The following CACNA2D3 variants were observed in gnomAD, a reference collection of about 807,000 sequenced individuals.
The protein encoded by CACNA2D3 is voltage-dependent calcium channel subunit alpha-2/delta-3.
Under a neutral mutation model 160.6 loss-of-function variants are expected in CACNA2D3, and 60 were observed. The ratio of observed to expected loss-of-function variants is 0.37; its 90% CI spans 0.30 to 0.46. The LOEUF (loss-of-function observed/expected upper bound fraction) is 0.46. Ranked by LOEUF, CACNA2D3 falls within the 20% of genes least tolerant of loss-of-function variation. CACNA2D3 has a pLI of 1.00. For synonymous variants in CACNA2D3, 558 were observed against 492.9 expected (o/e 1.13, Z -1.75); for missense variants, 1,205 against 1,365.0 (o/e 0.88, Z 1.85).
At chr3:54,481,020 G>A (rs1700924439) in intron 4 of CACNA2D3, among the ~76,000 whole-genome samples, 1 of 152,182 alleles carries the variant, frequency 6.6e-6, no homozygotes, top group South Asian at 2.1e-4. Flanking sequence ...GATTCTGTAT[G>A]TCTTTGTCTC....
intron 5 of CACNA2D3, 119 bp from the exon 6 acceptor site, chr3:54,562,681 A>T (rs185449630): frequency 1.2e-6 from 1 of 826,174 alleles, no homozygotes; most frequent in African/African-American, 1.7e-5. Context: ...AACTTCCTTC[A>T]TAGCCTCCTG....
intron 11 of CACNA2D3, among the ~76,000 whole-genome samples, chr3:54,651,791 AG>A (rs574968864): frequency 3.9e-5 from 6 of 151,986 alleles, no homozygotes; most frequent in Non-Finnish European, 8.8e-5. Context: ...GGCGCCTCTG[AG>A]GGGGTTTTGT....
At position 55,008,921 on chromosome 3, in the gene CACNA2D3, A is replaced by AC. The variant is rs1553629553; in HGVS notation, c.2820-466dup. Among the ~76,000 whole-genome samples the AC allele has an allele frequency of 4.7e-5, 7 of 148,212 alleles. No homozygotes were observed. The East Asian group carries it at 1.4e-3, about 29-fold the overall frequency. On this transcript the variant is annotated intron_variant, in intron 33 of 37. Transcript: ENST00000474759. ...CACACACACACACACACACACACACACACAGGGGGCTTAAACAAGTTCAAG... is the reference window on the plus strand; with the variant it reads ...CACACACACACACACACACACACACACCACAGGGGGCTTAAACAAGTTCAAG...
intron 29 of CACNA2D3, among the ~76,000 whole-genome samples, chr3:54,983,731 C>T (rs971511208): frequency 2.6e-5 from 4 of 152,140 alleles, no homozygotes; most frequent in African/African-American, 7.2e-5. Flanking sequence ...AACATCAGCC[C>T]CGTGGTGGCC....
At chr3:54,919,544 AG>A (rs1369974356) in intron 27 of CACNA2D3, among the ~76,000 whole-genome samples, 1 of 152,160 alleles carries the variant, frequency 6.6e-6, no homozygotes, top group East Asian at 1.9e-4. Flanking sequence ...TATTAAACCC[AG>A]TTTCCATTAC....
intron 21 of CACNA2D3, among the ~76,000 whole-genome samples, chr3:54,881,297 T>A (rs1699790257): frequency 6.6e-6 from 1 of 152,138 alleles, no homozygotes; most frequent in Non-Finnish European, 1.5e-5. Context: ...TATGAGAGCC[T>A]TAGTCTCTCC....
chr3:54,883,808 T>A (rs192202312), intron 21 of CACNA2D3, among the ~76,000 whole-genome samples: 6 of 122,486 alleles, frequency 4.9e-5, no homozygotes, highest in Admixed American at 7.9e-5. Flanking sequence ...AATCTCTCTC[T>A]CTCTCTCTCT....
intron 4 of CACNA2D3, among the ~76,000 whole-genome samples, chr3:54,445,659 G>C (rs768314595): frequency 6.6e-6 from 1 of 151,880 alleles, no homozygotes; most frequent in Non-Finnish European, 1.5e-5. Flanking sequence ...GAGGGGAGGA[G>C]GTAGGGAGTG....
Position 54,292,916 on chromosome 3 carries a change from G to A in CACNA2D3, c.205-27526G>A, listed in dbSNP as rs189043567. Among the ~76,000 whole-genome samples, 159 of 152,282 alleles carry A rather than the reference G, an allele frequency of 1.0e-3. 2 individuals carry two copies. In the Middle Eastern group the frequency reaches 0.017, roughly 16 times the overall value. ...GGATTATCCACAATAGCCAAAGGTG[G>A]AAACAGCCCGAATGTGCATCAACAG... On this transcript the variant is annotated intron_variant, in intron 2 of 37. Transcript: ENST00000474759.
rs140180842 is a variant in CACNA2D3 at position 54,341,636 on chromosome 3, C to A, written c.321+21078C>A. Among the ~76,000 whole-genome samples the A allele has an allele frequency of 6.6e-4, 101 of 152,288 alleles. No homozygotes were observed. The South Asian group carries it at 7.7e-3, about 12-fold the overall frequency. On this transcript the variant is annotated intron_variant, in intron 3 of 37. Transcript: ENST00000474759. The stretch of plus-strand genomic sequence containing the variant: ...GTCCCCTTCTTTCAGAGCTCAAAAC[C>A]CTGAGAGGTTGCCAAGTGTCAGTAG...
Position 54,764,956 on chromosome 3 carries a change from G to A in CACNA2D3, c.1380+605G>A, listed in dbSNP as rs146924052. 4.2e-3 allele frequency among the ~76,000 whole-genome samples: 636 copies of A among 152,320 alleles called. 8 individuals are homozygous for A. The highest frequency in any genetic ancestry group is 0.015 in the African/African-American group (608 of 41,568). ...AAGGAGGAGCTTTGCCAATCATCAA[G>A]TAATGGCTCAATGGCTGGGTTTCTT... On this transcript the variant is annotated intron_variant, in intron 13 of 37. Coordinates refer to ENST00000474759, the MANE Select transcript of CACNA2D3 (RefSeq NM_018398.3).
intron 2 of CACNA2D3, among the ~76,000 whole-genome samples, chr3:54,235,127 A>G (rs561873541): frequency 6.6e-6 from 1 of 152,314 alleles, no homozygotes; most frequent in African/African-American, 2.4e-5. Context: ...CAGGGAATTT[A>G]TGAGTCTGGG....
chr3:54,350,965 TC>T lies in CACNA2D3; in HGVS notation c.321+30408del, dbSNP rs1480676417. ...ACTGCTTGGATTTTGAGATCTTGAG[TC>T]TGTTTTTTTTTTTTTGTTTGTTTTT... On this transcript the variant is annotated intron_variant, in intron 3 of 37. Coordinates refer to ENST00000474759, the MANE Select transcript of CACNA2D3 (RefSeq NM_018398.3). 3.9e-4 allele frequency among the ~76,000 whole-genome samples: 48 copies of T among 121,764 alleles called. 1 individual carries two copies. Among genetic ancestry groups the T allele is most frequent in the Admixed American group, 3.8e-3 (40 of 10,424 alleles). The allele number at this position is 121,764 out of a possible 152,430, so 79.9% of individuals were successfully genotyped here.
chr3:54,571,364 C>T (rs921100376), intron 8 of CACNA2D3, among the ~76,000 whole-genome samples: 9 of 152,126 alleles, frequency 5.9e-5, no homozygotes, highest in African/African-American at 1.4e-4. Flanking sequence ...TTTCCCATCA[C>T]GGCCTGAAAC....
At chr3:54,729,889 C>T (rs149312767) in intron 11 of CACNA2D3, among the ~76,000 whole-genome samples, 21,911 of 151,306 alleles carry the variant, frequency 0.14, 2,122 homozygotes, top group Non-Finnish European at 0.21. Context: ...GTCCCAGTTA[C>T]TCAGGAGGCT....
chr3:54,281,389 T>C (rs1702877041), intron 2 of CACNA2D3, among the ~76,000 whole-genome samples: 1 of 152,132 alleles, frequency 6.6e-6, no homozygotes, highest in Non-Finnish European at 1.5e-5. Flanking sequence ...CCTGCCTGTG[T>C]CAGACCACGT....
intron 12 of CACNA2D3, among the ~76,000 whole-genome samples, chr3:54,753,621 T>A (rs1701910318): frequency 6.6e-6 from 1 of 152,240 alleles, no homozygotes; most frequent in South Asian, 2.1e-4. Flanking sequence ...AGATTTTTAG[T>A]TTGATATGTT....
intron 27 of CACNA2D3, among the ~76,000 whole-genome samples, chr3:54,900,731 C>T (rs964881538): frequency 2.0e-5 from 3 of 152,232 alleles, no homozygotes; most frequent in African/African-American, 7.2e-5. Context: ...GGTGACTTAA[C>T]ATCCACTTCT....
At chr3:54,993,855 T>TC (rs1491117418) in intron 31 of CACNA2D3, among the ~76,000 whole-genome samples, 18 of 132,940 alleles carry the variant, frequency 1.4e-4, no homozygotes, top group South Asian at 2.4e-4. Flanking sequence ...TCTCTCTCTC[T>TC]TTTTTTTTTT....
Sources: allele counts gnomAD v4.1 joint callset (sites outside exome capture counted in the v4.1 genomes callset), GRCh38; gene constraint gnomAD v4.1.1; transcripts MANE v1.5; gene names NCBI Gene and HGNC (gene_info 2026-07-23, HGNC 2026-07-21).